The following IGFN1 variants were observed in gnomAD, a reference collection of about 807,000 sequenced individuals.
The protein encoded by IGFN1 is immunoglobulin-like and fibronectin type III domain-containing protein 1.
A neutral mutation model predicts 289.5 loss-of-function variants in IGFN1; 253 were observed. The observed-to-expected ratio is 0.87, with a 90% CI of 0.79 to 0.97. The LOEUF is 0.97. IGFN1 is among the 50% of genes least tolerant of loss of function. The pLI is 0.00. For synonymous variants in IGFN1, 1,706 were observed against 1,788.5 expected (o/e 0.95, Z 1.16); for missense variants, 4,470 against 4,686.1 (o/e 0.95, Z 1.35).
chr1:201,204,105 G>C (rs963722447), intron 10 of IGFN1, among the ~76,000 whole-genome samples, 199 bp downstream of exon 10: 47 of 152,280 alleles, frequency 3.1e-4, no homozygotes, highest in African/African-American at 1.1e-3. Flanking sequence ...TATCTCTCCT[G>C]GTGCTGAGCT....
chr1:201,201,893 G>A (rs1222005284), intron 9 of IGFN1, 61 bp downstream of exon 9: 2 of 827,860 alleles, frequency 2.4e-6, no homozygotes, highest in Non-Finnish European at 4.1e-6. Context: ...GTCTAGTGGA[G>A]AGGGAACTAT....
rs188248150 is a variant in IGFN1, at chr1:201,210,874, A to G, written c.5981A>G (p.Asp1994Gly). The G allele has an allele frequency of 5.3e-4, 806 of 1,530,812 alleles. 3 individuals carry two copies. In the African/African-American group the frequency reaches 0.01, roughly 20 times the overall value. 94.8% of individuals were successfully genotyped at this position (1,530,812 alleles called of 1,614,324 possible). A position where few individuals can be genotyped will look rare whatever the true frequency, so the allele number is the denominator to read the frequency against. ...GGTTCTGAGGAAATGGGGTCAATGG[A>G]TGAGGCAGGTTATAGGAAGGATTTG... ...LGGSEEMGSMDEAGYRKDLGA... is the reference protein window; with the variant it reads ...LGGSEEMGSMGEAGYRKDLGA... Residue 1994 changes from aspartate to glycine, a missense_variant, in exon 12 of 24, where the codon GAT becomes GGT. Asp to Gly is a moderately conservative substitution (Grantham distance 94). Transcript: ENST00000335211.
chr1:201,202,742 TCCCTCCCTC>T (rs1558137491), intron 9 of IGFN1, among the ~76,000 whole-genome samples: 16 of 69,096 alleles, frequency 2.3e-4, no homozygotes, highest in South Asian at 7.1e-4. Context: ...CCTCCCTCCC[TCCCTCCCTC>T]CCTTCCTTCC....
rs141878663 is a variant in IGFN1, at chr1:201,226,886, G to T, written c.10791G>T (p.Arg3597Ser). 2 of 1,581,822 alleles carry T rather than the reference G, an allele frequency of 1.3e-6. No individual in the cohort carries two copies. Among genetic ancestry groups the T allele is most frequent in the South Asian group, 1.2e-5 (1 of 86,512 alleles). The change falls in exon 23 of 24, where the codon AGG (arginine) becomes AGT (serine). Residue 3597 changes from arginine (R) to serine (S), a missense_variant. Arg to Ser is a moderately radical substitution (Grantham distance 110). Coordinates refer to ENST00000335211, the MANE Select transcript of IGFN1 (RefSeq NM_001164586.2). ...QPWCIPRQRDRFTVKAPCYRE... is the reference protein window; with the variant it reads ...QPWCIPRQRDSFTVKAPCYRE... ...TCACCCCGGCTTTCACCACAGACAG[G>T]TTCACAGTGAAGGCTCCGTGCTACC...
rs754409209 is a variant in IGFN1 at position 201,206,214 on chromosome 1, AG to A, written c.1328del (p.Gly443AlafsTer15). The part of the protein sequence containing the change: ...QGEKSREQGP[R>X]GGSLEGAGPA... Reference sequence around the variant, plus strand: ...AGAGAAATCCAGAGAGCAGGGCCCCAGGGGGGGCTCCCTTGAAGGGGCTGGG... The same window carrying A: ...AGAGAAATCCAGAGAGCAGGGCCCCAGGGGGGCTCCCTTGAAGGGGCTGGG... On this transcript the variant is annotated frameshift_variant, in exon 12 of 24. Coordinates refer to ENST00000335211, the MANE Select transcript of IGFN1 (RefSeq NM_001164586.2). LOFTEE classifies it high-confidence loss of function. 1.1e-5 allele frequency: 17 copies of A among 1,548,270 alleles called. No individual in the cohort carries two copies. In the African/African-American group the frequency reaches 1.1e-4, roughly 10 times the overall value.
At position 201,215,792 on chromosome 1, in the gene IGFN1, G is replaced by A. The variant is rs147927799; in HGVS notation, c.9249G>A (p.Arg3083=). The A allele has an allele frequency of 1.3e-3, 2,134 of 1,598,248 alleles. 9 individuals carry two copies. Among genetic ancestry groups the A allele is most frequent in the Middle Eastern group, 7.7e-3 (46 of 6,000 alleles). The change falls in exon 15 of 24, where the codon AGG becomes AGA. Residue 3083 remains arginine (R), a synonymous_variant. Coordinates refer to ENST00000335211, the MANE Select transcript of IGFN1 (RefSeq NM_001164586.2). ...GTGGCCAGTACAGCGTGACACTGAG[G>A]AGTGAGGGAGGCTCTGTGCAGGCCG... ...KDCGQYSVTL[R]SEGGSVQAEL...
chr1:201,197,380 T>C (rs1209391354), intron 5 of IGFN1, 63 bp downstream of exon 5: 2 of 716,408 alleles, frequency 2.8e-6, no homozygotes, highest in Admixed American at 2.2e-5. Flanking sequence ...AGGAATCAGA[T>C]GCCCCGTGGC....
Position 201,209,095 on chromosome 1 carries a change from A to G in IGFN1, c.4202A>G (p.Glu1401Gly). 1.3e-6 allele frequency: 2 copies of G among 1,531,386 alleles called. No individual in the cohort carries two copies. The highest frequency in any genetic ancestry group is 1.7e-6 in the Non-Finnish European group (2 of 1,145,404). The allele number at this position is 1,531,386 out of a possible 1,614,324, so 94.9% of individuals were successfully genotyped here. The change falls in exon 12 of 24, where the codon GAG (glutamate) becomes GGG (glycine). Residue 1401 changes from glutamate to glycine, a missense_variant. Physicochemically the swap from Glu to Gly is moderately conservative, Grantham distance 98 (BLOSUM62 -2). Transcript: ENST00000335211. ...AGGGCTGGTTTAAGGGGTCCTGGGG[A>G]GATGGGGTCACTGGATGAGTCAGGT... Reference protein sequence around the residue: ...GYRAGLRGPGEMGSLDESGHR... With the variant: ...GYRAGLRGPGGMGSLDESGHR...
At position 201,228,446 on chromosome 1, in the gene IGFN1, C is replaced by T. The variant is rs761337196; in HGVS notation, c.*47C>T. ...TCCTGGACCCTTGAAGCTTCACTTC[C>T]GACACCTGCACTGGCCCGGGAAGCC... On this transcript the variant is annotated 3_prime_UTR_variant, in exon 24 of 24. Transcript: ENST00000335211. The T allele has an allele frequency of 4.9e-5, 78 of 1,600,678 alleles. No homozygotes were observed. The highest frequency in any genetic ancestry group is 3.6e-4 in the East Asian group (16 of 44,824).
In IGFN1 at chr1:201,212,395, G is replaced by A; in HGVS notation, c.7502G>A (p.Gly2501Glu). 4 of 1,536,970 alleles carry A rather than the reference G, an allele frequency of 2.6e-6. No individual in the cohort carries two copies. The highest frequency in any genetic ancestry group is 3.5e-6 in the Non-Finnish European group (4 of 1,146,824). Residue 2501 changes from glycine to glutamate, a missense_variant, in exon 12 of 24, where the codon GGG becomes GAG. Around this residue, in one of 8 missense-constraint regions of IGFN1, gnomAD observed 2,218 missense variants for 2,114.1 expected, o/e 1.05. Coordinates refer to ENST00000335211, the MANE Select transcript of IGFN1 (RefSeq NM_001164586.2). ...TGGCAAGACAGTTCTGGGACTCCAG[G>A]GTCTTCTAGAGACAGAGGGGCTCCC... ...KEWQDSSGTPGSSRDRGAPRV... is the reference protein window; with the variant it reads ...KEWQDSSGTPESSRDRGAPRV...
Position 201,208,911 on chromosome 1 carries a change from G to A in IGFN1, c.4018G>A (p.Ala1340Thr), listed in dbSNP as rs973787260. 1.3e-6 allele frequency: 2 copies of A among 1,536,686 alleles called. No individual in the cohort carries two copies. Among genetic ancestry groups the A allele is most frequent in the Non-Finnish European group, 1.7e-6 (2 of 1,146,636 alleles). Residue 1340 changes from alanine to threonine, a missense_variant, in exon 12 of 24, where the codon GCA (alanine) becomes ACA (threonine). By Grantham distance (58) the Ala-to-Thr change is moderately conservative. Transcript: ENST00000335211. ...TGAGGGAATAAGTTCAGGGAGCAAG[G>A]CAGATTATAGGGGTGGTTTACAGGA... Reference protein sequence around the residue: ...APEGISSGSKADYRGGLQDSR... With the variant: ...APEGISSGSKTDYRGGLQDSR...
intron 1 of IGFN1, among the ~76,000 whole-genome samples, chr1:201,191,978 C>T (rs946838614): frequency 7.5e-6 from 1 of 134,170 alleles, no homozygotes; most frequent in Non-Finnish European, 1.6e-5. Flanking sequence ...GGAGGCTGCA[C>T]TGAGGGGTGG....
Position 201,207,226 on chromosome 1 carries a change from C to T in IGFN1, c.2333C>T (p.Pro778Leu), listed in dbSNP as rs1252879374. Residue 778 changes from proline to leucine, a missense_variant, in exon 12 of 24, where the codon CCA becomes CTA. Pro to Leu is a moderately conservative substitution (Grantham distance 98, BLOSUM62 -3). Transcript: ENST00000335211. ...GSAYKTGPGGPGDPRGCEGVL... is the reference protein window; with the variant it reads ...GSAYKTGPGGLGDPRGCEGVL... ...GCCTACAAAACTGGCCCTGGAGGCC[C>T]AGGAGACCCCAGAGGCTGCGAAGGT... is the stretch of plus-strand genomic sequence containing the variant. 6.5e-7 allele frequency: 1 copy of T among 1,536,620 alleles called. No homozygotes were observed. The highest frequency in any genetic ancestry group is 8.7e-7 in the Non-Finnish European group (1 of 1,146,870).
rs971111623 is a variant in IGFN1, at chr1:201,205,209, C to A, written c.1044C>A (p.Leu348=). ...SAAWHFRHRL[L]HPSDKYEVYV... is the part of the protein sequence containing the mutation. The stretch of plus-strand genomic sequence containing the variant: ...CCTGGCATTTCCGGCACCGGCTACT[C>A]CACCCCAGTGACAAATATGAAGTGT... Residue 348 remains leucine, a synonymous_variant, in exon 11 of 24, where the codon CTC becomes CTA. Transcript: ENST00000335211. 1 of 1,551,104 alleles carries A rather than the reference C, an allele frequency of 6.4e-7. No individual in the cohort carries two copies. The highest frequency in any genetic ancestry group is 2.0e-5 in the Admixed American group (1 of 50,990).
chr1:201,191,605 C>G (rs1350506081), intron 1 of IGFN1, among the ~76,000 whole-genome samples: 1 of 152,158 alleles, frequency 6.6e-6, no homozygotes, highest in African/African-American at 2.4e-5. Flanking sequence ...AGACTACATC[C>G]CTCTAGTCTC....
chr1:201,222,642 C>G, intron 19 of IGFN1, 97 bp from the exon 20 acceptor site: 1 of 743,354 alleles, frequency 1.3e-6, no homozygotes, highest in African/African-American at 1.7e-5. Flanking sequence ...ATCCGACTGG[C>G]CCAGTCTTCC....
At chr1:201,201,872 G>A (rs1291796017) in intron 9 of IGFN1, 40 bp downstream of exon 9, 1 of 870,508 alleles carries the variant, frequency 1.1e-6, no homozygotes, top group Non-Finnish European at 1.9e-6. Flanking sequence ...GATCTGGCAG[G>A]GATGCTTCAG....
Position 201,194,183 on chromosome 1 carries a change from G to C in IGFN1, c.37G>C (p.Val13Leu), listed in dbSNP as rs1315751838. 2 of 1,551,666 alleles carry C rather than the reference G, an allele frequency of 1.3e-6. No homozygotes were observed. The highest frequency in any genetic ancestry group is 2.0e-5 in the Admixed American group (1 of 51,004). The change falls in exon 3 of 24, where the codon GTG (valine) becomes CTG (leucine). Residue 13 changes from valine to leucine, a missense_variant. Coordinates refer to ENST00000335211, the MANE Select transcript of IGFN1 (RefSeq NM_001164586.2). ...GKLRKSHIPG[V>L]SIWQLVEEIP... ...GCTCCGGAAGTCCCACATCCCTGGA[G>C]TGAGCATCTGGCAGCTGGTGGAGGA... is the stretch of plus-strand genomic sequence containing the variant.
intron 7 of IGFN1, among the ~76,000 whole-genome samples, chr1:201,199,929 T>C (rs1163695387): frequency 6.8e-6 from 1 of 146,620 alleles, no homozygotes; most frequent in Non-Finnish European, 1.5e-5. Flanking sequence ...AGAACAATGA[T>C]GTACTTTTTT....
Sources: gnomAD v4.1 joint callset for allele counts (sites outside exome capture counted in the v4.1 genomes callset) on GRCh38, gnomAD v4.1.1 for gene constraint, gnomAD v4.1.1 regional missense constraint, MANE v1.5 for transcripts, NCBI Gene and HGNC (gene_info 2026-07-23, HGNC 2026-07-21) for gene names.